Variants in ZNF148 observed in about 807,000 individuals in gnomAD.
The protein encoded by ZNF148 is Beta-Enolase Repressor Factor-1.
Under a neutral mutation model 67.7 loss-of-function variants are expected in ZNF148, and 7 were observed. The observed-to-expected ratio is 0.10, with a 90% confidence interval of 0.06 to 0.19. ZNF148 has a LOEUF of 0.19. Among genes scored for constraint, ZNF148 ranks in the 10% least tolerant of loss-of-function variants. ZNF148 has a pLI of 1.00. For missense variants in ZNF148, 583 were observed against 947.1 expected (o/e 0.62, Z 5.05); for synonymous variants, 333 against 330.7 (o/e 1.01, Z -0.08).
At chr3:125,346,780 A>C (rs1941960171) in intron 1 of ZNF148, among the ~76,000 whole-genome samples, 1 of 152,178 alleles carries the variant, frequency 6.6e-6, no homozygotes, top group Non-Finnish European at 1.5e-5. Context: ...AAACCTCTTT[A>C]TAAATTACCC....
chr3:125,367,366 A>G (rs1942734291), intron 1 of ZNF148, among the ~76,000 whole-genome samples: 1 of 152,012 alleles, frequency 6.6e-6, no homozygotes, highest in Non-Finnish European at 1.5e-5. Context: ...ATCAGATACC[A>G]CCTTTCCTTC....
intron 7 of ZNF148, among the ~76,000 whole-genome samples, chr3:125,260,500 A>C (rs952506573): frequency 6.6e-6 from 1 of 152,226 alleles, no homozygotes; most frequent in East Asian, 1.9e-4. Flanking sequence ...TAAGTGAAGT[A>C]AGTCAGATTC....
intron 7 of ZNF148, among the ~76,000 whole-genome samples, chr3:125,268,851 T>C (rs932562857): frequency 4.0e-5 from 6 of 151,702 alleles, no homozygotes; most frequent in East Asian, 1.9e-4. Flanking sequence ...AATTGACAAG[T>C]GGGACTTAAA....
At chr3:125,316,794 T>C (rs1258726590) in intron 3 of ZNF148, among the ~76,000 whole-genome samples, 1 of 152,208 alleles carries the variant, frequency 6.6e-6, no homozygotes, top group African/African-American at 2.4e-5. Context: ...CCCCATTCTG[T>C]GGGTTGTCTC....
At chr3:125,373,706 C>T (rs1241057159) in intron 1 of ZNF148, among the ~76,000 whole-genome samples, 1 of 152,168 alleles carries the variant, frequency 6.6e-6, no homozygotes, top group African/African-American at 2.4e-5. Context: ...TCTTCAATGC[C>T]ATCATGCCTG....
At chr3:125,269,779 AAG>A (rs1937636047) in intron 7 of ZNF148, among the ~76,000 whole-genome samples, 1 of 152,242 alleles carries the variant, frequency 6.6e-6, no homozygotes, top group Non-Finnish European at 1.5e-5. Context: ...CAGCCACAAA[AAG>A]AGCAAAATCA....
chr3:125,367,031 C>T (rs1414790827), intron 1 of ZNF148, among the ~76,000 whole-genome samples: 1 of 152,196 alleles, frequency 6.6e-6, no homozygotes, highest in African/African-American at 2.4e-5. Flanking sequence ...ACAAGTCCAG[C>T]TGCCCTACCA....
intron 4 of ZNF148, among the ~76,000 whole-genome samples, chr3:125,312,990 T>C (rs1940298119): frequency 6.6e-6 from 1 of 152,194 alleles, no homozygotes; most frequent in Admixed American, 6.5e-5. Context: ...CTAGTTACGT[T>C]GAAGATTCAA....
intron 7 of ZNF148, among the ~76,000 whole-genome samples, chr3:125,275,580 T>C (rs909253013): frequency 6.6e-6 from 1 of 152,212 alleles, no homozygotes; most frequent in Non-Finnish European, 1.5e-5. Context: ...TCCTCATCTA[T>C]AAAATGGGGA....
At chr3:125,254,204 A>G (rs1213889855) in intron 7 of ZNF148, among the ~76,000 whole-genome samples, 1 of 151,942 alleles carries the variant, frequency 6.6e-6, no homozygotes, top group East Asian at 1.9e-4. Flanking sequence ...TCTTATGACT[A>G]TGTAGATCTA....
intron 4 of ZNF148, among the ~76,000 whole-genome samples, chr3:125,289,060 T>C (rs1938865355): frequency 6.6e-6 from 1 of 152,168 alleles, no homozygotes; most frequent in South Asian, 2.1e-4. Flanking sequence ...TGTTCAGTCA[T>C]CCCCTCCTCA....
intron 4 of ZNF148, among the ~76,000 whole-genome samples, chr3:125,307,708 G>A (rs1275217038): frequency 6.6e-6 from 1 of 151,990 alleles, no homozygotes. Flanking sequence ...ACAATGGTGT[G>A]ATCTTGGCTC....
chr3:125,281,959 T>C (rs1377806533), intron 5 of ZNF148, among the ~76,000 whole-genome samples: 6 of 152,156 alleles, frequency 3.9e-5, no homozygotes, highest in Non-Finnish European at 8.8e-5. Flanking sequence ...ACCCTTATAA[T>C]CTCAGTGTTC....
At chr3:125,243,833 T>C (rs1936472855) in intron 7 of ZNF148, among the ~76,000 whole-genome samples, 1 of 152,212 alleles carries the variant, frequency 6.6e-6, no homozygotes, top group Non-Finnish European at 1.5e-5. Flanking sequence ...ACCTGTTTCT[T>C]GATTCTTGAA....
chr3:125,364,907 A>G (rs1942655845), intron 1 of ZNF148, among the ~76,000 whole-genome samples: 1 of 152,208 alleles, frequency 6.6e-6, no homozygotes, highest in South Asian at 2.1e-4. Context: ...CCTAAATTAT[A>G]GCTAATCTAG....
At chr3:125,344,420 T>C in intron 1 of ZNF148, 1 of 752,294 alleles carries the variant, frequency 1.3e-6, no homozygotes, top group Non-Finnish European at 2.4e-6. Flanking sequence ...AGGGACCCCA[T>C]TCCAAAAAAA....
At chr3:125,290,237 A>G (rs1038911609) in intron 4 of ZNF148, among the ~76,000 whole-genome samples, 7 of 152,102 alleles carry the variant, frequency 4.6e-5, no homozygotes, top group Admixed American at 4.6e-4. Context: ...CTTCTTCCCC[A>G]GGTTAAGACA....
chr3:125,339,543 G>C (rs1279740375), intron 1 of ZNF148, among the ~76,000 whole-genome samples: 1 of 152,166 alleles, frequency 6.6e-6, no homozygotes, highest in East Asian at 1.9e-4. Context: ...GCAACCTCTT[G>C]AGCTGGATAT....
chr3:125,305,055 A>G (rs1162078568), intron 4 of ZNF148, among the ~76,000 whole-genome samples: 1 of 152,238 alleles, frequency 6.6e-6, no homozygotes, highest in African/African-American at 2.4e-5. Context: ...ATAGATTTTA[A>G]CCCAGCAAAT....
Sources: gnomAD v4.1 joint callset for allele counts (sites outside exome capture counted in the v4.1 genomes callset) on GRCh38, gnomAD v4.1.1 for gene constraint, MANE v1.5 for transcripts, NCBI Gene and HGNC (gene_info 2026-07-23, HGNC 2026-07-21) for gene names.